S100A8: variants seen among roughly 807,000 people sequenced by gnomAD.
S100A8 encodes protein S100-A8.
In S100A8, 1 loss-of-function variant was observed where a neutral mutation model predicts 4.2. The ratio of observed to expected loss-of-function variants is 0.24; its 90% CI spans 0.08 to 1.12. S100A8 has a LOEUF of 1.12. Among genes scored for constraint, S100A8 ranks in the 50% most tolerant of loss-of-function variants. S100A8 has a pLI of 0.53. For missense variants in S100A8, 96 were observed against 111.8 expected (o/e 0.86, Z 0.64); for synonymous variants, 41 against 44.7 (o/e 0.92, Z 0.33).
upstream of S100A8, chr1:153,391,139 C>T: frequency 1.0e-6 from 1 of 985,524 alleles, no homozygotes; most frequent in Non-Finnish European, 1.2e-6. Flanking sequence ...AGCTTCAGGC[C>T]ATCAGAGACA....
the S100A8 span, among the ~76,000 whole-genome samples, chr1:153,416,928 G>A: frequency 2.6e-5 from 4 of 152,322 alleles, no homozygotes; most frequent in South Asian, 6.2e-4. Flanking sequence ...CCCCACAGAG[G>A]GAGGAGGGAT....
chr1:153,415,442 T>C, the S100A8 span, among the ~76,000 whole-genome samples: 2 of 151,954 alleles, frequency 1.3e-5, no homozygotes, highest in African/African-American at 4.8e-5. Context: ...TGTAAGGGGG[T>C]AGCAGAAAAA....
the S100A8 span, among the ~76,000 whole-genome samples, chr1:153,404,091 A>G: frequency 6.6e-6 from 1 of 152,234 alleles, no homozygotes; most frequent in Admixed American, 6.5e-5. Flanking sequence ...TACAAAGAGT[A>G]CAACTCAGGA....
At chr1:153,421,472 C>T in the S100A8 span, 1 of 152,186 alleles carries the variant, frequency 6.6e-6, no homozygotes, top group Admixed American at 6.5e-5. Flanking sequence ...ATAATAAGTA[C>T]TCTATATCAT....
At chr1:153,407,950 G>T in the S100A8 span, among the ~76,000 whole-genome samples, 1 of 152,132 alleles carries the variant, frequency 6.6e-6, no homozygotes, top group Non-Finnish European at 1.5e-5. Context: ...GGACATCCAC[G>T]CCAAAACTCC....
Position 153,390,502 on chromosome 1 carries a change from T to C in S100A8, c.34A>G (p.Ile12Val), listed in dbSNP as rs1335341879. The C allele has an allele frequency of 2.5e-6, 4 of 1,614,176 alleles. No individual in the cohort carries two copies. Among genetic ancestry groups the C allele is most frequent in the Admixed American group, 3.3e-5 (2 of 60,024 alleles). ...LTELEKALNS[I>V]IDVYHKYSLI... Reference sequence around the variant, plus strand: ...GAGTACTTGTGGTAGACGTCGATGATAGAGTTCAAGGCTTTCTCCAGCTCG... The same window carrying C: ...GAGTACTTGTGGTAGACGTCGATGACAGAGTTCAAGGCTTTCTCCAGCTCG... The change falls in exon 2 of 3, where the codon ATC becomes GTC. Residue 12 changes from isoleucine to valine, a missense_variant. Physicochemically the swap from Ile to Val is conservative, Grantham distance 29. Coordinates refer to ENST00000368733, the MANE Select transcript of S100A8 (RefSeq NM_002964.5).
chr1:153,418,275 G>T, the S100A8 span: 1 of 1,609,502 alleles, frequency 6.2e-7, no homozygotes, highest in African/African-American at 1.3e-5. Context: ...CATGGCTGAG[G>T]ATACATTTTG....
At chr1:153,416,437 G>A in the S100A8 span, 1 of 317,892 alleles carries the variant, frequency 3.1e-6, no homozygotes, top group Non-Finnish European at 6.4e-6. Flanking sequence ...CCAAGAAACA[G>A]ATGACAGAGG....
upstream of S100A8, among the ~76,000 whole-genome samples, chr1:153,395,174 C>T (rs2101612162): frequency 6.6e-6 from 1 of 152,206 alleles, no homozygotes; most frequent in African/African-American, 2.4e-5. Context: ...CCCTCACATC[C>T]ATCATCATGT....
the S100A8 span, among the ~76,000 whole-genome samples, chr1:153,397,525 G>T: frequency 1.3e-5 from 2 of 152,170 alleles, no homozygotes; most frequent in African/African-American, 4.8e-5. Flanking sequence ...GGAAGGAACA[G>T]CATGAAGAAA....
chr1:153,407,336 G>A, the S100A8 span, among the ~76,000 whole-genome samples: 770 of 152,328 alleles, frequency 5.1e-3, 1 homozygote, highest in African/African-American at 0.012. Context: ...TGCCTGGCTC[G>A]GACAGTCCCA....
chr1:153,397,807 C>T, the S100A8 span, among the ~76,000 whole-genome samples: 5 of 152,150 alleles, frequency 3.3e-5, no homozygotes, highest in African/African-American at 9.7e-5. Context: ...GCTTCCTGCC[C>T]GGGACAGGCT....
chr1:153,415,899 C>T, the S100A8 span, among the ~76,000 whole-genome samples: 3 of 152,238 alleles, frequency 2.0e-5, no homozygotes, highest in Admixed American at 1.3e-4. Context: ...ACCTATAGCA[C>T]AGGGGATAAG....
the S100A8 span, among the ~76,000 whole-genome samples, chr1:153,403,400 T>C: frequency 2.0e-5 from 3 of 152,204 alleles, no homozygotes; most frequent in Non-Finnish European, 2.9e-5. Context: ...ACTGTGAATG[T>C]GAAGGCTGAG....
chr1:153,413,418 C>T, the S100A8 span, among the ~76,000 whole-genome samples: 2 of 152,158 alleles, frequency 1.3e-5, no homozygotes, highest in African/African-American at 4.8e-5. Context: ...TCCAGGGCTG[C>T]TTCTGGGCTG....
chr1:153,391,688 C>T (rs1348054440), upstream of S100A8, among the ~76,000 whole-genome samples: 2 of 152,148 alleles, frequency 1.3e-5, no homozygotes, highest in East Asian at 1.9e-4. Flanking sequence ...CCCTGCTGCC[C>T]ACACTCCTCC....
the S100A8 span, chr1:153,396,907 G>A: frequency 6.6e-5 from 10 of 152,398 alleles, no homozygotes; most frequent in East Asian, 1.9e-4. Context: ...CCAATCGTCA[G>A]TGACTAGGAC....
chr1:153,417,726 G>T, the S100A8 span, among the ~76,000 whole-genome samples: 15,892 of 152,168 alleles, frequency 0.1, 852 homozygotes, highest in Middle Eastern at 0.13. Flanking sequence ...AGTGGGGTCC[G>T]CCATGTGCTG....
the S100A8 span, among the ~76,000 whole-genome samples, chr1:153,397,436 T>C: frequency 6.6e-6 from 1 of 152,160 alleles, no homozygotes; most frequent in Non-Finnish European, 1.5e-5. Flanking sequence ...TCCAGGTTGT[T>C]CCGAGGCAGG....
Sources: gnomAD v4.1 joint callset for allele counts (sites outside exome capture counted in the v4.1 genomes callset) on GRCh38, gnomAD v4.1.1 for gene constraint, MANE v1.5 for transcripts, NCBI Gene and HGNC (gene_info 2026-07-23, HGNC 2026-07-21) for gene names.